The following GMDS variants were observed in gnomAD, a reference collection of about 807,000 sequenced individuals.
GMDS encodes the protein GDP-mannose 4,6 dehydratase.
In GMDS, 20 loss-of-function variants were observed where a neutral mutation model predicts 49.9. The observed-to-expected ratio is 0.40, with a 90% CI of 0.28 to 0.58. The LOEUF (loss-of-function observed/expected upper bound fraction) is 0.58. Among genes scored for constraint, GMDS ranks in the 20% least tolerant of loss-of-function variants. The pLI is 0.42. For missense variants in GMDS, 362 were observed against 481.4 expected (o/e 0.75, Z 2.32); for synonymous variants, 177 against 178.6 (o/e 0.99, Z 0.07).
intron 1 of GMDS, among the ~76,000 whole-genome samples, chr6:2,205,572 G>C (rs6908269): frequency 6.6e-6 from 1 of 152,014 alleles, no homozygotes; most frequent in Non-Finnish European, 1.5e-5. Context: ...ATTTGTTTCC[G>C]ATTCCAATTA....
intron 7 of GMDS, among the ~76,000 whole-genome samples, chr6:1,799,410 T>G (rs1769860749): frequency 6.6e-6 from 1 of 152,232 alleles, no homozygotes; most frequent in Non-Finnish European, 1.5e-5. Context: ...CCCAGCCACC[T>G]GCCTTTGGTC....
chr6:2,130,052 C>T (rs1393095377), intron 1 of GMDS, among the ~76,000 whole-genome samples: 2 of 152,156 alleles, frequency 1.3e-5, no homozygotes, highest in Non-Finnish European at 2.9e-5. Context: ...AAAACCAGGT[C>T]TCTGGACTCC....
chr6:1,795,750 AAGC>A (rs1481965321), intron 7 of GMDS, among the ~76,000 whole-genome samples: 2 of 152,232 alleles, frequency 1.3e-5, no homozygotes, highest in Admixed American at 1.3e-4. Flanking sequence ...CTTATTCTGA[AAGC>A]AGTTCATTCA....
chr6:1,757,114 T>C (rs1767979580), intron 7 of GMDS, among the ~76,000 whole-genome samples: 1 of 152,224 alleles, frequency 6.6e-6, no homozygotes, highest in African/African-American at 2.4e-5. Context: ...ATTATTCTTG[T>C]CTCTAATATA....
chr6:1,977,091 G>A (rs965725657), intron 4 of GMDS, among the ~76,000 whole-genome samples: 10 of 152,078 alleles, frequency 6.6e-5, no homozygotes, highest in Middle Eastern at 3.4e-3. Context: ...CAAAGTAAAG[G>A]GGAAAAAAAT....
At chr6:1,822,439 AAG>A (rs533077902) in intron 7 of GMDS, among the ~76,000 whole-genome samples, 29 of 152,280 alleles carry the variant, frequency 1.9e-4, no homozygotes, top group Non-Finnish European at 3.4e-4. Flanking sequence ...TAGGATGAAA[AAG>A]AGGGAAAAAA....
intron 9 of GMDS, among the ~76,000 whole-genome samples, chr6:1,626,603 T>TC (rs1226995174): frequency 6.6e-6 from 1 of 152,212 alleles, no homozygotes; most frequent in Non-Finnish European, 1.5e-5. Context: ...CTCAATCCTA[T>TC]AGCGGCTAGA....
intron 4 of GMDS, among the ~76,000 whole-genome samples, chr6:1,990,757 G>T (rs928065869): frequency 1.3e-4 from 11 of 85,626 alleles, no homozygotes; most frequent in East Asian, 3.0e-4. Flanking sequence ...TTTTTTTTTG[G>T]GGGGGTAGAG....
chr6:1,679,382 G>T (rs1764719082), intron 9 of GMDS: 1 of 152,212 alleles, frequency 6.6e-6, no homozygotes. Flanking sequence ...TTTATTTAGA[G>T]GTGACAACAT....
At chr6:1,791,982 T>A (rs1561807773) in intron 7 of GMDS, among the ~76,000 whole-genome samples, 3 of 152,312 alleles carry the variant, frequency 2.0e-5, no homozygotes. Context: ...ATGATGTGTC[T>A]ATTCTGTTAT....
chr6:1,659,578 C>A (rs192027479), intron 9 of GMDS, among the ~76,000 whole-genome samples: 1 of 152,134 alleles, frequency 6.6e-6, no homozygotes, highest in African/African-American at 2.4e-5. Flanking sequence ...AAAAGGTTGG[C>A]AGCTGGGTGA....
intron 9 of GMDS, among the ~76,000 whole-genome samples, chr6:1,634,184 A>C (rs1763076759): frequency 6.6e-6 from 1 of 152,160 alleles, no homozygotes; most frequent in Admixed American, 6.5e-5. Context: ...GCGGGACTGC[A>C]CCCAGCTGGC....
At chr6:1,699,113 T>G (rs1765451589) in intron 9 of GMDS, among the ~76,000 whole-genome samples, 1 of 152,138 alleles carries the variant, frequency 6.6e-6, no homozygotes, top group Admixed American at 6.5e-5. Context: ...ATGCCTACAC[T>G]GTGTGGAGTG....
intron 9 of GMDS, among the ~76,000 whole-genome samples, chr6:1,650,759 A>G (rs1409563616): frequency 1.3e-5 from 2 of 151,050 alleles, no homozygotes; most frequent in African/African-American, 2.4e-5. Flanking sequence ...TTGTATTTTT[A>G]GTAGAGATGG....
chr6:2,082,475 G>T (rs1292845573), intron 4 of GMDS, among the ~76,000 whole-genome samples: 1 of 152,180 alleles, frequency 6.6e-6, no homozygotes, highest in Admixed American at 6.5e-5. Flanking sequence ...GCAGGCATGG[G>T]CTCCTATCAT....
intron 9 of GMDS, among the ~76,000 whole-genome samples, chr6:1,664,338 C>T (rs952219673): frequency 6.6e-6 from 1 of 152,220 alleles, no homozygotes; most frequent in African/African-American, 2.4e-5. Context: ...ACTCTCTGGA[C>T]CCTCTCACCT....
intron 7 of GMDS, among the ~76,000 whole-genome samples, chr6:1,857,688 T>A (rs531900028): frequency 6.6e-6 from 1 of 152,316 alleles, no homozygotes; most frequent in East Asian, 1.9e-4. Flanking sequence ...ATCGAAGAGA[T>A]AATAAAGTGT....
intron 7 of GMDS, among the ~76,000 whole-genome samples, chr6:1,743,954 C>T (rs1050112944): frequency 2.6e-5 from 4 of 152,126 alleles, no homozygotes; most frequent in African/African-American, 9.7e-5. Context: ...GTGCATTGAA[C>T]TCTCGTTCCA....
chr6:2,172,714 T>C (rs955984791), intron 1 of GMDS, among the ~76,000 whole-genome samples: 1 of 151,720 alleles, frequency 6.6e-6, no homozygotes, highest in East Asian at 1.9e-4. Context: ...AGAATTGATA[T>C]GACAAAATGC....
Sources: gnomAD v4.1 joint callset for allele counts (sites outside exome capture counted in the v4.1 genomes callset) on GRCh38, gnomAD v4.1.1 for gene constraint, MANE v1.5 for transcripts, NCBI Gene and HGNC (gene_info 2026-07-23, HGNC 2026-07-21) for gene names.